Variants in IQCM observed in about 807,000 individuals in gnomAD.
The protein encoded by IQCM is IQ motif containing M.
A neutral mutation model predicts 57.6 loss-of-function variants in IQCM; 45 were observed. The ratio of observed to expected loss-of-function variants is 0.78; its 90% confidence interval spans 0.62 to 1.00. The LOEUF (loss-of-function observed/expected upper bound fraction) is 1.00, where lower values mean the gene tolerates loss of function less well. Among genes scored for constraint, IQCM ranks in the 50% least tolerant of loss-of-function variants. IQCM has a pLI of 0.00. For synonymous variants in IQCM, 148 were observed against 158.9 expected (o/e 0.93, Z 0.51); for missense variants, 468 against 511.6 (o/e 0.91, Z 0.82).
chr4:149,409,386 C>T (rs964165163), intron 13 of IQCM, among the ~76,000 whole-genome samples: 13 of 152,172 alleles, frequency 8.5e-5, no homozygotes, highest in African/African-American at 2.4e-4. Flanking sequence ...TTGGCACTCC[C>T]GATGGCTGCA....
At chr4:149,640,630 A>G (rs1275033756) in intron 7 of IQCM, among the ~76,000 whole-genome samples, 1 of 152,120 alleles carries the variant, frequency 6.6e-6, no homozygotes, top group Non-Finnish European at 1.5e-5. Context: ...TTGCATTTCT[A>G]TATCATCTTT....
At chr4:149,621,640 A>C (rs916726786) in intron 7 of IQCM, among the ~76,000 whole-genome samples, 7 of 152,218 alleles carry the variant, frequency 4.6e-5, no homozygotes, top group African/African-American at 1.7e-4. Context: ...ATACTTTAAA[A>C]GAAAATTCAG....
intron 12 of IQCM, among the ~76,000 whole-genome samples, chr4:149,444,098 G>T (rs550204011): frequency 9.9e-5 from 15 of 150,826 alleles, no homozygotes; most frequent in African/African-American, 3.1e-4. Flanking sequence ...ACATATTGCT[G>T]CCTTCAACAG....
intron 8 of IQCM, among the ~76,000 whole-genome samples, chr4:149,605,748 C>T (rs1029249376): frequency 1.3e-5 from 2 of 152,044 alleles, no homozygotes; most frequent in African/African-American, 4.8e-5. Context: ...CAATGTGACA[C>T]CAGCTGTAGT....
intron 13 of IQCM, among the ~76,000 whole-genome samples, chr4:149,385,305 A>G (rs1731344724): frequency 6.6e-6 from 1 of 152,046 alleles, no homozygotes; most frequent in African/African-American, 2.4e-5. Context: ...ATATGAGGAG[A>G]CAGCCGAAAA....
At chr4:149,727,217 C>G (rs1316115394) in intron 5 of IQCM, among the ~76,000 whole-genome samples, 1 of 152,116 alleles carries the variant, frequency 6.6e-6, no homozygotes, top group Non-Finnish European at 1.5e-5. Context: ...TTATAATGGA[C>G]TACCTATTTG....
At chr4:149,565,128 A>G (rs1167866240) in intron 9 of IQCM, among the ~76,000 whole-genome samples, 1 of 152,116 alleles carries the variant, frequency 6.6e-6, no homozygotes, top group African/African-American at 2.4e-5. Context: ...ACTGACTGAG[A>G]TGCCCAGGTC....
intron 12 of IQCM, among the ~76,000 whole-genome samples, chr4:149,454,117 C>T (rs1503717): frequency 0.16 from 22,622 of 141,388 alleles, 2,101 homozygotes; most frequent in South Asian, 0.34. Context: ...ACCTAAATTC[C>T]GATAAAGGTA....
At chr4:149,761,024 A>C (rs920621137) in intron 2 of IQCM, among the ~76,000 whole-genome samples, 1 of 152,082 alleles carries the variant, frequency 6.6e-6, no homozygotes, top group African/African-American at 2.4e-5. Flanking sequence ...TTTGTAAAAC[A>C]AACTTTCCTG....
At chr4:149,537,739 G>A (rs947713496) in intron 12 of IQCM, among the ~76,000 whole-genome samples, 1 of 151,764 alleles carries the variant, frequency 6.6e-6, no homozygotes, top group Non-Finnish European at 1.5e-5. Context: ...TCATACACAA[G>A]ATAACAAAAA....
chr4:149,805,537 A>G (rs1443924718), intron 2 of IQCM, among the ~76,000 whole-genome samples: 1 of 152,068 alleles, frequency 6.6e-6, no homozygotes, highest in Admixed American at 6.6e-5. Context: ...GCTGCAGAAG[A>G]TATTTTTATG....
chr4:149,496,027 T>C (rs1430287655), intron 12 of IQCM, among the ~76,000 whole-genome samples: 1 of 152,126 alleles, frequency 6.6e-6, no homozygotes, highest in Non-Finnish European at 1.5e-5. Context: ...AGGTCAATGA[T>C]ATTCTGCAAC....
chr4:149,695,939 T>A (rs1320316630), intron 5 of IQCM, among the ~76,000 whole-genome samples: 1 of 152,150 alleles, frequency 6.6e-6, no homozygotes, highest in Non-Finnish European at 1.5e-5. Context: ...AAATAGTAAG[T>A]GAGATGGGTA....
chr4:149,786,631 T>C (rs555152785), intron 2 of IQCM, among the ~76,000 whole-genome samples: 2 of 152,256 alleles, frequency 1.3e-5, no homozygotes, highest in African/African-American at 4.8e-5. Flanking sequence ...CACAGTGAAA[T>C]ACCATCTCAC....
intron 5 of IQCM, among the ~76,000 whole-genome samples, chr4:149,719,221 G>A (rs1048291456): frequency 4.6e-5 from 7 of 151,964 alleles, no homozygotes; most frequent in African/African-American, 1.7e-4. Flanking sequence ...GCACATGCCT[G>A]TAATCCCAGC....
intron 13 of IQCM, among the ~76,000 whole-genome samples, chr4:149,403,035 C>T (rs1312303212): frequency 4.6e-5 from 7 of 151,900 alleles, no homozygotes; most frequent in South Asian, 2.1e-4. Context: ...AATAATTTAT[C>T]GTAATCCTCA....
intron 2 of IQCM, among the ~76,000 whole-genome samples, chr4:149,812,331 G>A (rs1774640076): frequency 6.6e-6 from 1 of 152,050 alleles, no homozygotes; most frequent in Admixed American, 6.6e-5. Context: ...TTAATTGGAG[G>A]ATGGGAATGA....
intron 7 of IQCM, among the ~76,000 whole-genome samples, chr4:149,627,498 A>G (rs1406289489): frequency 3.3e-5 from 5 of 152,204 alleles, no homozygotes; most frequent in African/African-American, 4.8e-5. Context: ...TCAAATTACT[A>G]AACAATTTAC....
intron 7 of IQCM, among the ~76,000 whole-genome samples, chr4:149,655,335 A>C (rs913901039): frequency 1.1e-4 from 16 of 152,170 alleles, no homozygotes; most frequent in Non-Finnish European, 1.3e-4. Context: ...TAATGGATTT[A>C]AAACTCTTTT....
Sources: allele counts gnomAD v4.1 joint callset (sites outside exome capture counted in the v4.1 genomes callset), GRCh38; gene constraint gnomAD v4.1.1; transcripts MANE v1.5; gene names NCBI Gene and HGNC (gene_info 2026-07-23, HGNC 2026-07-21).